Variants in UBAC1 observed in about 807,000 individuals in gnomAD.
UBAC1 encodes the protein UBA domain containing 1.
Under a neutral mutation model 45.9 loss-of-function variants are expected in UBAC1, and 27 were observed. That is an observed-to-expected ratio of 0.59 (90% CI 0.43 to 0.81). UBAC1 has a LOEUF of 0.81. UBAC1 is among the 30% of genes least tolerant of loss of function. UBAC1 has a pLI of 0.00. For missense variants in UBAC1, 529 were observed against 539.2 expected (o/e 0.98, Z 0.19); for synonymous variants, 227 against 215.5 (o/e 1.05, Z -0.47).
chr9:135,945,986 C>T lies in UBAC1; in HGVS notation c.556G>A (p.Glu186Lys), dbSNP rs762294104. The T allele has an allele frequency of 8.1e-6, 13 of 1,613,664 alleles. 1 individual carries two copies. Among genetic ancestry groups the T allele is most frequent in the South Asian group, 6.6e-5 (6 of 91,092 alleles). The change falls in exon 6 of 10, where the codon GAG (glutamate) becomes AAG (lysine). Residue 186 changes from glutamate to lysine, a missense_variant. Coordinates refer to ENST00000371756, the MANE Select transcript of UBAC1 (RefSeq NM_016172.3). ...LFKKANAMLD[E>K]DEDERVDEAA... ...TCGTCCACACGCTCATCCTCGTCCT[C>T]GTCCAGCATTGCTGCAGGGAGACGA...
intron 3 of UBAC1, among the ~76,000 whole-genome samples, chr9:135,952,348 G>A (rs1433556727): frequency 6.6e-6 from 1 of 152,266 alleles, no homozygotes; most frequent in African/African-American, 2.4e-5. Context: ...GCACGAGTAA[G>A]AAATTCTACC....
At chr9:135,944,586 G>A (rs1009661182) in intron 7 of UBAC1, among the ~76,000 whole-genome samples, 8 of 152,190 alleles carry the variant, frequency 5.3e-5, no homozygotes, top group South Asian at 2.1e-4. Flanking sequence ...CCATGGAGGC[G>A]GCTGGCAGCC....
Position 135,961,353 on chromosome 9 carries a change from AG to A in UBAC1, c.-192del. 1 of 143,852 alleles carries A rather than the reference AG, an allele frequency of 7.0e-6. No individual in the cohort carries two copies. Among genetic ancestry groups the A allele is most frequent in the Non-Finnish European group, 1.3e-5 (1 of 77,214 alleles). 8.9% of individuals were successfully genotyped at this position (143,852 alleles called of 1,614,324 possible). A position where few individuals can be genotyped will look rare whatever the true frequency, so the allele number is the denominator to read the frequency against. Reference sequence around the variant, plus strand: ...GCGGTCGCCTCGCTCCCGCCGCCGCAGCAGCCGCCGGGGGCGCGCCGTCGCG... The same window carrying A: ...GCGGTCGCCTCGCTCCCGCCGCCGCACAGCCGCCGGGGGCGCGCCGTCGCG... On this transcript the variant is annotated 5_prime_UTR_variant, in exon 1 of 10. Transcript: ENST00000371756.
At chr9:135,947,772 C>T (rs189341876) in intron 4 of UBAC1, 26 bp downstream of exon 4, 38 of 1,596,518 alleles carry the variant, frequency 2.4e-5, no homozygotes, top group Non-Finnish European at 2.9e-5. Flanking sequence ...CCCATGCACC[C>T]GCCGCCGCTC....
At chr9:135,942,788 A>G (rs1839285242) in intron 7 of UBAC1, among the ~76,000 whole-genome samples, 1 of 152,192 alleles carries the variant, frequency 6.6e-6, no homozygotes, top group African/African-American at 2.4e-5. Context: ...CTGCCCTGGG[A>G]GGGCGGGGTC....
chr9:135,955,816 T>C (rs111639696), intron 1 of UBAC1, among the ~76,000 whole-genome samples: 18 of 152,114 alleles, frequency 1.2e-4, no homozygotes, highest in African/African-American at 4.1e-4. Context: ...CACAGACGCA[T>C]GAAAGGGGCC....
intron 9 of UBAC1, among the ~76,000 whole-genome samples, chr9:135,937,772 T>C (rs1839217169): frequency 6.6e-6 from 1 of 152,230 alleles, no homozygotes; most frequent in African/African-American, 2.4e-5. Flanking sequence ...TGGCTATTAG[T>C]TTTATTCTTC....
chr9:135,952,801 C>T lies in UBAC1; in HGVS notation c.333+879G>A, dbSNP rs189874379. 2.0e-5 allele frequency among the ~76,000 whole-genome samples: 3 copies of T among 152,348 alleles called. No homozygotes were observed. The East Asian group carries it at 5.8e-4, about 29-fold the overall frequency. On this transcript the variant is annotated intron_variant, in intron 3 of 9. Coordinates refer to ENST00000371756, the MANE Select transcript of UBAC1 (RefSeq NM_016172.3). ...TTCCAAATAATCAACTCAAAAAGCA[C>T]CAACGAGCACTTCCATTAAGTGTCA...
chr9:135,961,198 G>A lies in UBAC1; in HGVS notation c.-36C>T. 2 of 1,485,938 alleles carry A rather than the reference G, an allele frequency of 1.3e-6. No individual in the cohort carries two copies. Among genetic ancestry groups the A allele is most frequent in the South Asian group, 1.3e-5 (1 of 79,228 alleles). The allele number at this position is 1,485,938 out of a possible 1,614,324, so 92.0% of individuals were successfully genotyped here. ...CCGCAGGGGCCTGCGCCCGCCACCC[G>A]GGCCCCTGAAGGTCACCGGGAAGGC... On this transcript the variant is annotated 5_prime_UTR_variant, in exon 1 of 10. Transcript: ENST00000371756.
At chr9:135,946,046 G>T in intron 5 of UBAC1, 49 bp from the exon 6 acceptor site, 1 of 1,525,946 alleles carries the variant, frequency 6.6e-7, no homozygotes, top group Non-Finnish European at 9.1e-7. Context: ...AGGTTCAGGG[G>T]CCTTATCTGA....
intron 1 of UBAC1, 74 bp downstream of exon 1, chr9:135,960,951 G>A (rs1839527971): frequency 7.4e-7 from 1 of 1,359,232 alleles, no homozygotes; most frequent in Non-Finnish European, 9.7e-7. Flanking sequence ...GGGCGGTTCG[G>A]GGACTGAGGC....
At chr9:135,960,882 C>T in intron 1 of UBAC1, 143 bp downstream of exon 1, 1 of 668,928 alleles carries the variant, frequency 1.5e-6, no homozygotes, top group Non-Finnish European at 2.3e-6. Flanking sequence ...GGAGGCGCTG[C>T]CTCCACCCCC....
At chr9:135,936,268 T>A (rs1285137401) in intron 9 of UBAC1, among the ~76,000 whole-genome samples, 1 of 151,864 alleles carries the variant, frequency 6.6e-6, no homozygotes, top group Non-Finnish European at 1.5e-5. Flanking sequence ...GCTGGAGAGC[T>A]AGGAGGAATA....
chr9:135,943,200 G>C (rs749126335), intron 7 of UBAC1, among the ~76,000 whole-genome samples: 1 of 152,096 alleles, frequency 6.6e-6, no homozygotes, highest in African/African-American at 2.4e-5. Flanking sequence ...CGGGCAGATC[G>C]CTTGAGGTCA....
chr9:135,946,910 G>A (rs950451744), intron 4 of UBAC1, among the ~76,000 whole-genome samples: 3 of 152,214 alleles, frequency 2.0e-5, no homozygotes, highest in Admixed American at 6.5e-5. Context: ...ACACAAGTGT[G>A]AGCCTTGGTG....
At chr9:135,937,662 C>A (rs1839215814) in intron 9 of UBAC1, among the ~76,000 whole-genome samples, 1 of 152,096 alleles carries the variant, frequency 6.6e-6, no homozygotes, top group South Asian at 2.1e-4. Context: ...TACCGGGAAG[C>A]AGAGAGGTAA....
intron 2 of UBAC1, among the ~76,000 whole-genome samples, chr9:135,954,130 C>T (rs1368095107): frequency 7.2e-6 from 1 of 138,268 alleles, no homozygotes. Context: ...CAGAGCAAGA[C>T]TTCATCTTAA....
chr9:135,955,405 C>G lies in UBAC1; in HGVS notation c.149G>C (p.Gly50Ala). 1 of 1,563,926 alleles carries G rather than the reference C, an allele frequency of 6.4e-7. No individual in the cohort carries two copies. Among genetic ancestry groups the G allele is most frequent in the Non-Finnish European group, 8.6e-7 (1 of 1,161,636 alleles). ...TATACTTTTGGGATCTTCTAAGCTC[C>G]CATGAGCACACTGGGGAAAAATAGA... ...KERCLKHCAH[G>A]SLEDPKSITH... Residue 50 changes from glycine (G) to alanine (A), a missense_variant, in exon 2 of 10, where the codon GGG becomes GCG. Gly to Ala is a moderately conservative substitution (Grantham distance 60). Coordinates refer to ENST00000371756, the MANE Select transcript of UBAC1 (RefSeq NM_016172.3).
At chr9:135,949,559 G>A (rs1839381337) in intron 3 of UBAC1, among the ~76,000 whole-genome samples, 1 of 152,222 alleles carries the variant, frequency 6.6e-6, no homozygotes, top group South Asian at 2.1e-4. Context: ...GCTCAGAGCT[G>A]CCTCACGTAC....
Sources: allele counts gnomAD v4.1 joint callset (sites outside exome capture counted in the v4.1 genomes callset), GRCh38; gene constraint gnomAD v4.1.1; transcripts MANE v1.5; gene names NCBI Gene and HGNC (gene_info 2026-07-23, HGNC 2026-07-21).